Variants in PSD3 observed in about 807,000 individuals in gnomAD.
The protein encoded by PSD3 is PH and SEC7 domain-containing protein 3.
PSD3 carries 49 observed loss-of-function variants against 105.5 expected under a neutral mutation model. The observed-to-expected ratio is 0.46, with a 90% CI of 0.37 to 0.59. PSD3 has a LOEUF of 0.59. PSD3 is among the 20% of genes least tolerant of loss of function. The pLI is 0.00. For missense variants in PSD3, 1,561 were observed against 1,263.8 expected, an observed-to-expected ratio of 1.24 and a Z score of -3.57; for synonymous variants, 557 against 457.8, an observed-to-expected ratio of 1.22 and a Z score of -2.77.
chr8:18,907,409 C>A (rs145529027), intron 2 of PSD3, among the ~76,000 whole-genome samples: 7,102 of 152,230 alleles, frequency 0.047, 201 homozygotes, highest in Admixed American at 0.08. Flanking sequence ...TCCTGGCCTC[C>A]AGTGATCCTC....
rs189508155 is a variant in PSD3, at chr8:18,618,093, C to A, written c.2410+14520G>T. Among the ~76,000 whole-genome samples the A allele has an allele frequency of 3.5e-4, 53 of 152,252 alleles. No homozygotes were observed. In the East Asian group the frequency reaches 5.2e-3, roughly 15 times the overall value. ...TATATAACAAGAACCTTGGCTTCCA[C>A]CCCACCACCCCCTCAACTTAACTCA... On this transcript the variant is annotated intron_variant, in intron 11 of 15. Transcript: ENST00000327040.
chr8:19,067,329 G>C (rs1350027650), intron 1 of PSD3, among the ~76,000 whole-genome samples: 1 of 152,170 alleles, frequency 6.6e-6, no homozygotes, highest in East Asian at 1.9e-4. Flanking sequence ...CAGAATCTGA[G>C]AGTTGGGAAG....
At position 18,653,631 on chromosome 8, in the gene PSD3, T is replaced by G. The variant is rs184706878; in HGVS notation, c.2216+2011A>C. 1.3e-3 allele frequency among the ~76,000 whole-genome samples: 191 copies of G among 152,290 alleles called. 1 individual carries two copies. Among genetic ancestry groups the G allele is most frequent in the African/African-American group, 4.3e-3 (179 of 41,564 alleles). ...ATCCAGGCTTCTGAACAAGATGCTC[T>G]GCTAACTTCACAAGAAGAAACCAGT... On this transcript the variant is annotated intron_variant, in intron 10 of 15. Coordinates refer to ENST00000327040, the MANE Select transcript of PSD3 (RefSeq NM_015310.4).
intron 4 of PSD3, among the ~76,000 whole-genome samples, chr8:18,815,308 TGTG>T (rs1812123439): frequency 6.6e-6 from 1 of 152,126 alleles, no homozygotes. Context: ...TTCTTTTTTT[TGTG>T]GGGTTGGAGG....
intron 1 of PSD3, among the ~76,000 whole-genome samples, chr8:18,957,373 A>G (rs1434957436): frequency 1.3e-5 from 2 of 151,274 alleles, no homozygotes; most frequent in Non-Finnish European, 3.0e-5. Flanking sequence ...CCGTCTCAAA[A>G]AAAAAAAAAA....
rs1799483741 is a variant in PSD3 at position 18,527,811 on chromosome 8, A to G, written c.*7932T>C. ...GGAACAGGTTTCCAGTACGTGTTAT[A>G]GTACCGCCAGCTTACCCAAAACTGC... On this transcript the variant is annotated 3_prime_UTR_variant, in exon 16 of 16. Coordinates refer to ENST00000327040, the MANE Select transcript of PSD3 (RefSeq NM_015310.4). 1.3e-5 allele frequency: 2 copies of G among 152,434 alleles called. No homozygotes were observed. Among genetic ancestry groups the G allele is most frequent in the African/African-American group, 4.8e-5 (2 of 41,446 alleles). 9.4% of individuals were successfully genotyped at this position (152,434 alleles called of 1,614,324 possible).
At chr8:18,702,159 G>C (rs1381978661) in intron 9 of PSD3, among the ~76,000 whole-genome samples, 1 of 152,170 alleles carries the variant, frequency 6.6e-6, no homozygotes, top group Non-Finnish European at 1.5e-5. Context: ...GTAGAGGAAG[G>C]CTGAAATAAT....
At chr8:18,846,172 T>G (rs530443073) in intron 4 of PSD3, among the ~76,000 whole-genome samples, 3 of 152,308 alleles carry the variant, frequency 2.0e-5, no homozygotes, top group Admixed American at 2.0e-4. Flanking sequence ...ATTTAACGCA[T>G]GTGTTTGACC....
intron 4 of PSD3, among the ~76,000 whole-genome samples, chr8:18,845,799 A>G (rs1041298743): frequency 1.3e-5 from 2 of 152,238 alleles, no homozygotes; most frequent in African/African-American, 2.4e-5. Context: ...AAATGGCGGA[A>G]GAAGGGAACT....
At chr8:18,852,592 G>A (rs897296803) in intron 4 of PSD3, among the ~76,000 whole-genome samples, 3 of 152,104 alleles carry the variant, frequency 2.0e-5, no homozygotes, top group South Asian at 2.1e-4. Context: ...ATGGACCTGC[G>A]GTAATCTACC....
intron 1 of PSD3, among the ~76,000 whole-genome samples, chr8:18,953,753 G>A (rs11778085): frequency 0.39 from 58,701 of 150,968 alleles, 11,545 homozygotes; most frequent in Non-Finnish European, 0.41. Context: ...TCTCAAAAAA[G>A]AAAAGAAAAG....
rs1809103884 is a variant in PSD3, at chr8:18,658,949, A to G, written c.2173-3264T>C. Among the ~76,000 whole-genome samples, 3 of 152,280 alleles carry G rather than the reference A, an allele frequency of 2.0e-5. No homozygotes were observed. The South Asian group carries it at 6.2e-4, about 32-fold the overall frequency. On this transcript the variant is annotated intron_variant, in intron 9 of 15. Transcript: ENST00000327040. ...TCCAAAACAAGCAACACCTTTTCAC[A>G]GCTTGTCTCTCTCAATAGTAACAAC...
chr8:18,942,388 G>A (rs1418329111), intron 1 of PSD3, among the ~76,000 whole-genome samples: 1 of 152,176 alleles, frequency 6.6e-6, no homozygotes, highest in African/African-American at 2.4e-5. Flanking sequence ...GCCCATGGAA[G>A]CAGGGAGCCA....
chr8:18,603,783 T>C (rs1331129107), intron 11 of PSD3, among the ~76,000 whole-genome samples: 2 of 152,152 alleles, frequency 1.3e-5, no homozygotes, highest in Non-Finnish European at 2.9e-5. Flanking sequence ...TGTTTAAAAG[T>C]GTGTAGCACC....
At chr8:18,916,629 T>G (rs1030074913) in intron 2 of PSD3, among the ~76,000 whole-genome samples, 2 of 151,802 alleles carry the variant, frequency 1.3e-5, no homozygotes, top group African/African-American at 4.8e-5. Context: ...AAATTTCAGT[T>G]AGATGGAATG....
intron 4 of PSD3, among the ~76,000 whole-genome samples, chr8:18,805,364 T>C (rs1448236678): frequency 6.6e-6 from 1 of 152,228 alleles, no homozygotes; most frequent in Non-Finnish European, 1.5e-5. Context: ...GACAGTTGAA[T>C]TCTAAGAGCC....
chr8:18,660,003 G>A (rs2130868850), intron 9 of PSD3, among the ~76,000 whole-genome samples: 1 of 152,266 alleles, frequency 6.6e-6, no homozygotes, highest in African/African-American at 2.4e-5. Flanking sequence ...AATACATACA[G>A]TGAAGCGATA....
At chr8:18,836,121 C>T (rs1814088278) in intron 4 of PSD3, among the ~76,000 whole-genome samples, 2 of 152,072 alleles carry the variant, frequency 1.3e-5, no homozygotes, top group South Asian at 2.1e-4. Context: ...ATACTGGAGA[C>T]CTAGCGAAAT....
chr8:18,541,374 A>G (rs1565229), intron 15 of PSD3, among the ~76,000 whole-genome samples: 133,847 of 152,150 alleles, frequency 0.88, 58,950 homozygotes, highest in South Asian at 0.92. Context: ...GTAATATGGC[A>G]AATCCAGAAA....
Sources: allele counts gnomAD v4.1 joint callset (sites outside exome capture counted in the v4.1 genomes callset), GRCh38; gene constraint gnomAD v4.1.1; transcripts MANE v1.5; gene names NCBI Gene and HGNC (gene_info 2026-07-23, HGNC 2026-07-21).